Variants in BABAM2 observed in about 807,000 individuals in gnomAD.
The protein encoded by BABAM2 is BRISC and BRCA1-A complex member 2.
BABAM2 carries 31 observed loss-of-function variants against 54.7 expected under a neutral mutation model. That is an observed-to-expected ratio of 0.57 (90% confidence interval 0.43 to 0.77). The LOEUF is 0.77. Ranked by LOEUF, BABAM2 falls within the 30% of genes least tolerant of loss-of-function variation. BABAM2 has a pLI of 0.00. For missense variants in BABAM2, 364 were observed against 455.8 expected (o/e 0.80, Z 1.83); for synonymous variants, 167 against 162.9 (o/e 1.03, Z -0.19).
intron 2 of BABAM2, among the ~76,000 whole-genome samples, chr2:27,927,500 A>G (rs1372083197): frequency 6.6e-6 from 1 of 152,206 alleles, no homozygotes; most frequent in Non-Finnish European, 1.5e-5. Context: ...TCATAATGAC[A>G]TGATGCTCAT....
intron 7 of BABAM2, chr2:28,134,419 G>A (rs1670364227): frequency 6.6e-6 from 1 of 152,206 alleles, no homozygotes; most frequent in African/African-American, 2.4e-5. Flanking sequence ...GAACCCAAAG[G>A]TTAAATGGGC....
rs1305995104 is a variant in BABAM2 at position 28,060,976 on chromosome 2, A to G, written c.570+15177A>G. On this transcript the variant is annotated intron_variant, in intron 6 of 11. Coordinates refer to ENST00000379624, the MANE Select transcript of BABAM2 (RefSeq NM_199191.3). ...AGAAATTGTAAAAATTGACAATCTG[A>G]TTCTAAAATTTATTTTGAAATACCA... Among the ~76,000 whole-genome samples, 3 of 152,220 alleles carry G rather than the reference A, an allele frequency of 2.0e-5. No individual in the cohort carries two copies. In the East Asian group the frequency reaches 5.8e-4, roughly 29 times the overall value.
chr2:28,183,014 A>G (rs755022487), intron 7 of BABAM2, among the ~76,000 whole-genome samples: 1 of 152,222 alleles, frequency 6.6e-6, no homozygotes, highest in Non-Finnish European at 1.5e-5. Context: ...AGGGTTGGGA[A>G]GATTGTCAGT....
intron 7 of BABAM2, among the ~76,000 whole-genome samples, chr2:28,172,136 A>G (rs1242752324): frequency 2.6e-5 from 4 of 151,754 alleles, no homozygotes; most frequent in African/African-American, 7.3e-5. Flanking sequence ...ATAATCCAGC[A>G]TACTATCCTT....
intron 7 of BABAM2, among the ~76,000 whole-genome samples, chr2:28,226,417 A>C (rs758218475): frequency 1.3e-5 from 2 of 152,174 alleles, no homozygotes; most frequent in Admixed American, 6.5e-5. Context: ...AATACTACAA[A>C]TATTTTTTAA....
chr2:28,106,449 A>C (rs532677230), intron 6 of BABAM2, among the ~76,000 whole-genome samples: 1 of 152,326 alleles, frequency 6.6e-6, no homozygotes, highest in African/African-American at 2.4e-5. Context: ...TTGTTTCACT[A>C]GTGTGTAATA....
chr2:27,929,780 A>C, intron 2 of BABAM2, 52 bp from the exon 3 acceptor site: 5 of 1,525,970 alleles, frequency 3.3e-6, no homozygotes, highest in Non-Finnish European at 4.5e-6. Flanking sequence ...TGGGTTTTTA[A>C]AGTTTGTTTT....
rs962293868 is a variant in BABAM2 at position 28,160,708 on chromosome 2, A to G, written c.680+31328A>G. Among the ~76,000 whole-genome samples, 22 of 151,498 alleles carry G rather than the reference A, an allele frequency of 1.5e-4. 1 individual carries two copies. Among genetic ancestry groups the G allele is most frequent in the African/African-American group, 3.9e-4 (16 of 41,278 alleles). On this transcript the variant is annotated intron_variant, in intron 7 of 11. Coordinates refer to ENST00000379624, the MANE Select transcript of BABAM2 (RefSeq NM_199191.3). ...ACATGGATCCAGAAAACTAAATTAA[A>G]TGAACATAGAAAGGAACATATAAAT...
intron 7 of BABAM2, among the ~76,000 whole-genome samples, chr2:28,211,339 A>G (rs1184603853): frequency 6.7e-6 from 1 of 149,830 alleles, no homozygotes; most frequent in African/African-American, 2.4e-5. Context: ...CTTAGTATTT[A>G]ATAACATTTG....
At chr2:28,185,701 G>A (rs1294130590) in intron 7 of BABAM2, among the ~76,000 whole-genome samples, 2 of 151,888 alleles carry the variant, frequency 1.3e-5, no homozygotes, top group African/African-American at 4.8e-5. Flanking sequence ...CCACATTTCT[G>A]TCATTGCACA....
intron 7 of BABAM2, among the ~76,000 whole-genome samples, chr2:28,143,714 A>G (rs1303220932): frequency 6.6e-6 from 1 of 152,200 alleles, no homozygotes; most frequent in East Asian, 1.9e-4. Context: ...GCTGGATACT[A>G]CTAGTGGCTA....
At chr2:28,114,353 C>G (rs1410554771) in intron 6 of BABAM2, among the ~76,000 whole-genome samples, 1 of 152,140 alleles carries the variant, frequency 6.6e-6, no homozygotes, top group Non-Finnish European at 1.5e-5. Flanking sequence ...TTCTTTATCT[C>G]TTTTCTTTTA....
intron 10 of BABAM2, among the ~76,000 whole-genome samples, chr2:28,248,207 C>CTTTTTCTTTCTTTTTTTTTTTTT (rs1553349503): frequency 3.7e-5 from 2 of 54,306 alleles, no homozygotes; most frequent in African/African-American, 1.3e-4. Flanking sequence ...TTTTCTTTTT[C>CTTTTTCTTTCTTTTTTTTTTTTT]TTTTTTTTTT....
At chr2:27,931,298 G>A (rs1390506785) in intron 3 of BABAM2, among the ~76,000 whole-genome samples, 1 of 152,066 alleles carries the variant, frequency 6.6e-6, no homozygotes, top group South Asian at 2.1e-4. Context: ...TAAAAGTACT[G>A]GAATTTTTTG....
intron 6 of BABAM2, among the ~76,000 whole-genome samples, chr2:28,107,652 C>T (rs1667643456): frequency 1.3e-5 from 2 of 152,204 alleles, no homozygotes; most frequent in African/African-American, 4.8e-5. Flanking sequence ...GATGCCCAGT[C>T]GTGCCCTCTC....
intron 7 of BABAM2, among the ~76,000 whole-genome samples, chr2:28,203,771 G>C (rs966012277): frequency 6.6e-6 from 1 of 152,078 alleles, no homozygotes; most frequent in Non-Finnish European, 1.5e-5. Context: ...ATTGCCATGT[G>C]GGGTTCCATA....
chr2:28,337,147 A>G (rs1402045526), intron 11 of BABAM2, among the ~76,000 whole-genome samples: 1 of 152,022 alleles, frequency 6.6e-6, no homozygotes, highest in Non-Finnish European at 1.5e-5. Flanking sequence ...GTAAGGTGTC[A>G]CTGTGATTGT....
At chr2:28,121,019 G>T (rs138360863) in intron 6 of BABAM2, among the ~76,000 whole-genome samples, 1 of 152,150 alleles carries the variant, frequency 6.6e-6, no homozygotes, top group South Asian at 2.1e-4. Context: ...TTTCCGTTTG[G>T]AGGAACCAAA....
chr2:28,264,097 G>T (rs1187746311), intron 10 of BABAM2, among the ~76,000 whole-genome samples: 35 of 152,152 alleles, frequency 2.3e-4, no homozygotes, highest in Admixed American at 2.3e-3. Context: ...TTCCAATAAA[G>T]ATACAAGTTT....
Sources: gnomAD v4.1 joint callset for allele counts (sites outside exome capture counted in the v4.1 genomes callset) on GRCh38, gnomAD v4.1.1 for gene constraint, MANE v1.5 for transcripts, NCBI Gene and HGNC (gene_info 2026-07-23, HGNC 2026-07-21) for gene names.